The following SHTN1 variants were observed in gnomAD, a reference collection of about 807,000 sequenced individuals.
SHTN1 encodes the protein shootin-1.
SHTN1 carries 42 observed loss-of-function variants against 83.1 expected under a neutral mutation model. The observed-to-expected ratio is 0.51, with a 90% CI of 0.39 to 0.65. The LOEUF (loss-of-function observed/expected upper bound fraction) is 0.65. SHTN1 is among the 30% of genes least tolerant of loss of function. SHTN1 has a pLI of 0.00. For synonymous variants in SHTN1, 224 were observed against 247.7 expected, an observed-to-expected ratio of 0.90 and a Z score of 0.90; for missense variants, 622 against 737.8, an observed-to-expected ratio of 0.84 and a Z score of 1.82.
chr10:116,942,671 A>C (rs922928635), intron 8 of SHTN1, among the ~76,000 whole-genome samples: 7 of 152,322 alleles, frequency 4.6e-5, no homozygotes, highest in African/African-American at 1.7e-4. Context: ...TATTTTATAC[A>C]TTTAGAAAAT....
At chr10:117,042,804 C>T (rs540015810) in intron 2 of SHTN1, among the ~76,000 whole-genome samples, 4 of 152,044 alleles carry the variant, frequency 2.6e-5, no homozygotes, top group East Asian at 1.9e-4. Context: ...TTAGTAGAGA[C>T]GGGGTTTCAC....
At position 116,884,308 on chromosome 10, in the gene SHTN1, G is replaced by A. The variant is rs1225854710; in HGVS notation, c.*2036C>T. 1 of 453,694 alleles carries A rather than the reference G, an allele frequency of 2.2e-6. No individual in the cohort carries two copies. 28.1% of individuals were successfully genotyped at this position (453,694 alleles called of 1,614,324 possible). On this transcript the variant is annotated 3_prime_UTR_variant, in exon 17 of 17. Coordinates refer to ENST00000355371, the MANE Select transcript of SHTN1 (RefSeq NM_001127211.3). ...ACCCCCTCAAAACCAAAGTGAAAAGGGAAAAACTGTAGGCAGAAAAAGGTG... is the reference window on the plus strand; with the variant it reads ...ACCCCCTCAAAACCAAAGTGAAAAGAGAAAAACTGTAGGCAGAAAAAGGTG...
chr10:117,036,149 G>T (rs1852493910), intron 2 of SHTN1, among the ~76,000 whole-genome samples: 1 of 151,982 alleles, frequency 6.6e-6, no homozygotes, highest in Non-Finnish European at 1.5e-5. Context: ...ATGCTGACAA[G>T]GATGTGAAGA....
chr10:116,949,827 A>T (rs1849711921), intron 6 of SHTN1, among the ~76,000 whole-genome samples: 1 of 152,192 alleles, frequency 6.6e-6, no homozygotes, highest in South Asian at 2.1e-4. Context: ...GTAACTTTTG[A>T]TGTCTATCAA....
At chr10:116,918,206 G>A (rs1848439913) in intron 12 of SHTN1, among the ~76,000 whole-genome samples, 1 of 152,014 alleles carries the variant, frequency 6.6e-6, no homozygotes, top group Non-Finnish European at 1.5e-5. Flanking sequence ...ACTGCCACAG[G>A]AAAATAAAAT....
At chr10:117,037,778 C>T (rs1049974937) in intron 2 of SHTN1, among the ~76,000 whole-genome samples, 2 of 151,988 alleles carry the variant, frequency 1.3e-5, no homozygotes, top group Non-Finnish European at 2.9e-5. Flanking sequence ...GAGGCCAAGA[C>T]GGGTGGATCA....
At chr10:116,949,867 T>A (rs534884806) in intron 6 of SHTN1, among the ~76,000 whole-genome samples, 113 of 151,908 alleles carry the variant, frequency 7.4e-4, no homozygotes, top group African/African-American at 2.5e-3. Context: ...AAAGTTTTTT[T>A]AAAAAAAAAG....
chr10:116,927,450 A>G (rs1013309773), intron 11 of SHTN1, among the ~76,000 whole-genome samples: 1 of 152,212 alleles, frequency 6.6e-6, no homozygotes, highest in Admixed American at 6.5e-5. Flanking sequence ...GGCAAGGAGA[A>G]GCAAGTCACA....
At chr10:116,953,605 G>A (rs1374444752) in intron 5 of SHTN1, among the ~76,000 whole-genome samples, 3 of 148,692 alleles carry the variant, frequency 2.0e-5, no homozygotes, top group African/African-American at 7.3e-5. Context: ...TAGGACCCAG[G>A]CATCAGTTTT....
intron 1 of SHTN1, among the ~76,000 whole-genome samples, chr10:117,092,985 A>C (rs1434118310): frequency 1.3e-5 from 2 of 152,196 alleles, no homozygotes; most frequent in Non-Finnish European, 1.5e-5. Flanking sequence ...CTTCACAATA[A>C]ATGCAAGAAT....
At chr10:116,888,489 C>G (rs1001690973) in intron 16 of SHTN1, among the ~76,000 whole-genome samples, 1 of 152,156 alleles carries the variant, frequency 6.6e-6, no homozygotes, top group Non-Finnish European at 1.5e-5. Flanking sequence ...GCTGTTCTGA[C>G]AGTTGGGAGG....
intron 16 of SHTN1, among the ~76,000 whole-genome samples, chr10:116,891,445 ACT>A (rs1003149992): frequency 6.6e-5 from 10 of 152,308 alleles, no homozygotes; most frequent in South Asian, 4.1e-4. Context: ...GACGGTCTGA[ACT>A]CTGTTTCATT....
intron 2 of SHTN1, among the ~76,000 whole-genome samples, chr10:117,028,264 C>A (rs1214012020): frequency 6.6e-6 from 1 of 152,036 alleles, no homozygotes; most frequent in African/African-American, 2.4e-5. Context: ...AGCCTTTGTT[C>A]ATATGTGTGA....
At position 116,965,102 on chromosome 10, in the gene SHTN1, C is replaced by T. The variant is rs374523036; in HGVS notation, c.172+3550G>A. On this transcript the variant is annotated intron_variant, in intron 3 of 16. Coordinates refer to ENST00000355371, the MANE Select transcript of SHTN1 (RefSeq NM_001127211.3). ...AGGAGGAAGGCTCAGAGAGAGCTGG[C>T]GAGGATCAAAAATGACATGGACATA... Among the ~76,000 whole-genome samples the T allele has an allele frequency of 4.1e-3, 629 of 152,234 alleles. 7 individuals carry two copies. The highest frequency in any genetic ancestry group is 0.014 in the African/African-American group (593 of 41,534).
At chr10:117,064,569 C>T (rs895575862) in intron 1 of SHTN1, among the ~76,000 whole-genome samples, 1 of 151,420 alleles carries the variant, frequency 6.6e-6, no homozygotes, top group Admixed American at 6.6e-5. Flanking sequence ...GCAGGAGAAT[C>T]GCTTGAACCC....
In SHTN1 at chr10:116,886,239, T is replaced by C; in HGVS notation, c.*105A>G. 10 of 1,458,756 alleles carry C rather than the reference T, an allele frequency of 6.9e-6. No homozygotes were observed. The highest frequency in any genetic ancestry group is 9.2e-6 in the Non-Finnish European group (10 of 1,082,242). 90.4% of individuals were successfully genotyped at this position (1,458,756 alleles called of 1,614,324 possible). A position where few individuals can be genotyped will look rare whatever the true frequency, so the allele number is the denominator to read the frequency against. ...ACCAGAAAAGAACCTGTATTCTGAA[T>C]ACAGTGACCAGAGCAGAATGTCTAC... On this transcript the variant is annotated 3_prime_UTR_variant, in exon 17 of 17. Coordinates refer to ENST00000355371, the MANE Select transcript of SHTN1 (RefSeq NM_001127211.3).
chr10:116,974,702 T>A (rs1336868668), intron 2 of SHTN1, among the ~76,000 whole-genome samples: 1 of 152,156 alleles, frequency 6.6e-6, no homozygotes, highest in African/African-American at 2.4e-5. Flanking sequence ...ATACTTACTA[T>A]TTAAAGGCAG....
chr10:117,014,188 G>A (rs1035037746), intron 2 of SHTN1, among the ~76,000 whole-genome samples: 8 of 152,262 alleles, frequency 5.3e-5, no homozygotes, highest in Non-Finnish European at 5.9e-5. Flanking sequence ...AATTTTTAGG[G>A]TGATAGAATT....
chr10:116,999,922 A>AATAC (rs1851765782), intron 1 of SHTN1, among the ~76,000 whole-genome samples: 1 of 152,102 alleles, frequency 6.6e-6, no homozygotes, highest in Non-Finnish European at 1.5e-5. Flanking sequence ...CAAATAAATA[A>AATAC]ATACATAAAT....
Sources: gnomAD v4.1 joint callset for allele counts (sites outside exome capture counted in the v4.1 genomes callset) on GRCh38, gnomAD v4.1.1 for gene constraint, MANE v1.5 for transcripts, NCBI Gene and HGNC (gene_info 2026-07-23, HGNC 2026-07-21) for gene names.